The following ZFYVE28 variants were observed in gnomAD, a reference collection of about 807,000 sequenced individuals.
ZFYVE28 encodes the protein zinc finger FYVE-type containing 28, also known as lateral signaling target protein 2 homolog.
A neutral mutation model predicts 82.1 loss-of-function variants in ZFYVE28; 40 were observed. The ratio of observed to expected loss-of-function variants is 0.49; its 90% CI spans 0.38 to 0.63. The LOEUF is 0.63. Among genes scored for constraint, ZFYVE28 ranks in the 30% least tolerant of loss-of-function variants. The pLI, the probability that ZFYVE28 is intolerant of heterozygous loss-of-function variation, is 0.00. For synonymous variants in ZFYVE28, 612 were observed against 546.1 expected, an observed-to-expected ratio of 1.12 and a Z score of -1.68; for missense variants, 1,321 against 1,242.1, an observed-to-expected ratio of 1.06 and a Z score of -0.96.
chr4:2,415,463 C>CACACACACACAA (rs1560365901), intron 1 of ZFYVE28, among the ~76,000 whole-genome samples: 2 of 151,804 alleles, frequency 1.3e-5, no homozygotes, highest in Non-Finnish European at 2.9e-5. Context: ...CACACACACA[C>CACACACACACAA]ACACACACAC....
chr4:2,339,733 C>A lies in ZFYVE28; in HGVS notation c.319-78G>T. The A allele has an allele frequency of 2.1e-6, 3 of 1,411,412 alleles. No homozygotes were observed. Among genetic ancestry groups the A allele is most frequent in the Non-Finnish European group, 1.9e-6 (2 of 1,055,268 alleles). 87.4% of individuals were successfully genotyped at this position (1,411,412 alleles called of 1,614,324 possible). On this transcript the variant is annotated intron_variant, in intron 3 of 12. Transcript: ENST00000290974. The surrounding 1 kb of genome is among the most constrained non-coding windows in gnomAD (Gnocchi z 5.0). ...GGGGTCGCCGACCCGGGGAACCTGA[C>A]TGCGCACCTCGGGGCCCCTCTTCTC...
intron 8 of ZFYVE28, among the ~76,000 whole-genome samples, chr4:2,302,683 C>T (rs1394031505): frequency 1.3e-5 from 2 of 152,236 alleles, no homozygotes; most frequent in Admixed American, 1.3e-4. Context: ...CGAAAATTTT[C>T]ATCACATCCA....
intron 2 of ZFYVE28, among the ~76,000 whole-genome samples, chr4:2,350,052 C>T (rs1045101261): frequency 4.3e-4 from 66 of 152,064 alleles, no homozygotes; most frequent in African/African-American, 1.5e-3. Flanking sequence ...CACACACACA[C>T]ACACACACAC....
chr4:2,404,873 T>TG (rs1361115458), intron 1 of ZFYVE28, among the ~76,000 whole-genome samples: 5 of 149,478 alleles, frequency 3.3e-5, no homozygotes, highest in Admixed American at 6.6e-5. Context: ...TTTTTTTTTT[T>TG]TTTTGAGAGA....
chr4:2,355,587 G>A (rs73070609), intron 1 of ZFYVE28, among the ~76,000 whole-genome samples: 2,181 of 145,034 alleles, frequency 0.015, 49 homozygotes, highest in African/African-American at 0.053. Flanking sequence ...GCCTATATAC[G>A]TATTTTTTGA....
At chr4:2,350,520 C>T (rs1724256784) in intron 2 of ZFYVE28, among the ~76,000 whole-genome samples, 1 of 152,132 alleles carries the variant, frequency 6.6e-6, no homozygotes, top group Non-Finnish European at 1.5e-5. Context: ...GTTTGGTCAT[C>T]TTCCCATTTC....
At chr4:2,400,998 C>T (rs1414492563) in intron 1 of ZFYVE28, among the ~76,000 whole-genome samples, 1 of 152,208 alleles carries the variant, frequency 6.6e-6, no homozygotes, top group Non-Finnish European at 1.5e-5. Flanking sequence ...CTGTGGTTGA[C>T]TTATACTCTC....
chr4:2,319,333 C>T (rs1718699304), intron 7 of ZFYVE28, among the ~76,000 whole-genome samples: 1 of 152,192 alleles, frequency 6.6e-6, no homozygotes, highest in Non-Finnish European at 1.5e-5. Flanking sequence ...ACCCCTGCCC[C>T]TGAACCCACT....
intron 2 of ZFYVE28, among the ~76,000 whole-genome samples, chr4:2,352,555 C>T (rs1007940777): frequency 1.3e-5 from 2 of 151,886 alleles, no homozygotes; most frequent in Non-Finnish European, 1.5e-5. Context: ...GGACAGTGTC[C>T]ACACCCTCTC....
intron 1 of ZFYVE28, among the ~76,000 whole-genome samples, chr4:2,360,040 C>A (rs573934505): frequency 6.6e-6 from 1 of 152,228 alleles, no homozygotes; most frequent in African/African-American, 2.4e-5. Flanking sequence ...CAACAACCTG[C>A]GAGGCCATTT....
At position 2,305,005 on chromosome 4, in the gene ZFYVE28, C is replaced by T. The variant is rs773465828; in HGVS notation, c.1335G>A (p.Ala445=). The T allele has an allele frequency of 3.6e-5, 58 of 1,612,634 alleles. No homozygotes were observed. In the South Asian group the frequency reaches 4.9e-4, roughly 14 times the overall value. ...EKGQGGPGGA[A]GISLPASEKE... ...TTTCCGAGGCGGGCAAGCTGATCCC[C>T]GCCGCTCCGCCTGGCCCACCCTGCC... Residue 445 remains alanine (A), a synonymous_variant, in exon 8 of 13, where the codon GCG becomes GCA. Coordinates refer to ENST00000290974, the MANE Select transcript of ZFYVE28 (RefSeq NM_020972.3).
rs770579351 is a variant in ZFYVE28, at chr4:2,304,930, C to G, written c.1410G>C (p.Gly470=). The G allele has an allele frequency of 6.8e-6, 11 of 1,612,702 alleles. No homozygotes were observed. The highest frequency in any genetic ancestry group is 8.5e-6 in the Non-Finnish European group (10 of 1,179,884). Residue 470 remains glycine, a synonymous_variant, in exon 8 of 13, where the codon GGG becomes GGC. Transcript: ENST00000290974. ...AGGAGCTGGTGCCCGCGAGGCTGGC[C>G]CCATCTGTGCCCTCGGCCTCGAGAT... ...NNNLEAEGTD[G]ASLAGTSSCS...
chr4:2,359,313 A>G (rs1252441970), intron 1 of ZFYVE28, among the ~76,000 whole-genome samples: 1 of 151,792 alleles, frequency 6.6e-6, no homozygotes, highest in African/African-American at 2.4e-5. Context: ...TTTTGTAGAG[A>G]CGGGGTCTTG....
intron 10 of ZFYVE28, among the ~76,000 whole-genome samples, chr4:2,272,278 G>A (rs1275795047): frequency 2.0e-5 from 3 of 152,208 alleles, no homozygotes; most frequent in African/African-American, 2.4e-5. Flanking sequence ...AGGACCAGGC[G>A]GGCTGCCCCA....
intron 1 of ZFYVE28, among the ~76,000 whole-genome samples, chr4:2,356,201 C>A (rs1277550489): frequency 6.6e-6 from 1 of 152,172 alleles, no homozygotes; most frequent in African/African-American, 2.4e-5. Flanking sequence ...CCATCCACTG[C>A]CCCCCTGCCT....
chr4:2,397,310 C>G (rs1730577949), intron 1 of ZFYVE28, among the ~76,000 whole-genome samples: 1 of 151,884 alleles, frequency 6.6e-6, no homozygotes, highest in African/African-American at 2.4e-5. Context: ...AACCCCATCT[C>G]TACTAAAAAT....
intron 1 of ZFYVE28, among the ~76,000 whole-genome samples, chr4:2,395,709 C>T (rs3128797): frequency 0.18 from 26,807 of 152,234 alleles, 2,548 homozygotes; most frequent in Middle Eastern, 0.29. Flanking sequence ...TCACCAGGAA[C>T]GCCAGGCCAG....
Position 2,313,020 on chromosome 4 carries a change from T to G in ZFYVE28, c.803+7150A>C, listed in dbSNP as rs147274571. On this transcript the variant is annotated intron_variant, in intron 7 of 12. Coordinates refer to ENST00000290974, the MANE Select transcript of ZFYVE28 (RefSeq NM_020972.3). ...AGATCATGCGAACTGCACTCCAGCC[T>G]GGGTGACAGAGTAAGACTCTGTCTC... Among the ~76,000 whole-genome samples the G allele has an allele frequency of 2.1e-3, 314 of 152,070 alleles. 1 individual carries two copies. In the Middle Eastern group the frequency reaches 0.024, roughly 12 times the overall value.
At chr4:2,346,464 A>G (rs2108871960) in intron 2 of ZFYVE28, among the ~76,000 whole-genome samples, 2 of 152,242 alleles carry the variant, frequency 1.3e-5, no homozygotes, top group South Asian at 4.1e-4. Context: ...CTACATGGTA[A>G]ATATACAAGA....
Sources: gnomAD v4.1 joint callset for allele counts (sites outside exome capture counted in the v4.1 genomes callset) on GRCh38, gnomAD v4.1.1 for gene constraint, Gnocchi (gnomAD v3.1) non-coding constraint, MANE v1.5 for transcripts, NCBI Gene and HGNC (gene_info 2026-07-23, HGNC 2026-07-21) for gene names.